The following NXPE2 variants were observed in gnomAD, a reference collection of about 807,000 sequenced individuals.
NXPE2 encodes the protein neurexophilin and PC-esterase domain family member 2.
NXPE2 carries 34 observed loss-of-function variants against 34.4 expected under a neutral mutation model. That is an observed-to-expected ratio of 0.99 (90% CI 0.75 to 1.31). NXPE2 has a LOEUF of 1.31. Ranked by LOEUF, NXPE2 falls within the 40% of genes most tolerant of loss-of-function variation. The probability of loss-of-function intolerance (pLI) is 0.00; values close to 1 mark genes in which losing one functional copy is unlikely to be tolerated. For missense variants in NXPE2, 649 were observed against 672.5 expected, an observed-to-expected ratio of 0.97 and a Z score of 0.39; for synonymous variants, 235 against 231.3, an observed-to-expected ratio of 1.02 and a Z score of -0.15.
chr11:114,599,237 C>A, the NXPE2 span, among the ~76,000 whole-genome samples: 6 of 152,206 alleles, frequency 3.9e-5, no homozygotes, highest in East Asian at 1.2e-3. Context: ...TTCACTAAAC[C>A]ATAACAAAAC....
the NXPE2 span, among the ~76,000 whole-genome samples, chr11:114,771,990 G>A: frequency 6.6e-6 from 1 of 152,230 alleles, no homozygotes; most frequent in African/African-American, 2.4e-5. Context: ...CCTTGTGAGG[G>A]TGGTAGCAGG....
chr11:114,783,057 T>C, the NXPE2 span, among the ~76,000 whole-genome samples: 2 of 150,638 alleles, frequency 1.3e-5, no homozygotes, highest in Non-Finnish European at 3.0e-5. Context: ...TAAAGCTATA[T>C]GAGAAGTATT....
At chr11:114,539,933 A>C in the NXPE2 span, among the ~76,000 whole-genome samples, 2 of 152,200 alleles carry the variant, frequency 1.3e-5, no homozygotes, top group Non-Finnish European at 2.9e-5. Flanking sequence ...CACACTACAT[A>C]CTAAAGTTCC....
At chr11:114,476,226 T>C in the NXPE2 span, among the ~76,000 whole-genome samples, 24 of 152,216 alleles carry the variant, frequency 1.6e-4, no homozygotes, top group African/African-American at 5.5e-4. Flanking sequence ...AGTCTTCTTA[T>C]GTGTAAAGAC....
At chr11:114,580,387 G>A in the NXPE2 span, 2,809 of 1,527,668 alleles carry the variant, frequency 1.8e-3, 45 homozygotes, top group African/African-American at 0.033. Flanking sequence ...CAAATTACCC[G>A]TCAGTATGTA....
chr11:114,486,397 T>C, the NXPE2 span, among the ~76,000 whole-genome samples: 1 of 152,354 alleles, frequency 6.6e-6, no homozygotes, highest in South Asian at 2.1e-4. Context: ...TTCTGGTTAT[T>C]AATGCCTTGT....
chr11:114,464,878 CAAAT>C, the NXPE2 span, among the ~76,000 whole-genome samples: 4 of 151,444 alleles, frequency 2.6e-5, no homozygotes, highest in African/African-American at 7.3e-5. Flanking sequence ...ATCCAATAGA[CAAAT>C]GAAGAAAGCA....
At chr11:114,804,082 A>G in the NXPE2 span, among the ~76,000 whole-genome samples, 1,017 of 152,378 alleles carry the variant, frequency 6.7e-3, 10 homozygotes, top group African/African-American at 0.024. Context: ...AAAGGTATTC[A>G]ACAGGCTGTC....
At chr11:114,753,195 C>T in the NXPE2 span, among the ~76,000 whole-genome samples, 1 of 152,072 alleles carries the variant, frequency 6.6e-6, no homozygotes, top group South Asian at 2.1e-4. Context: ...AGTTTGAGAC[C>T]AGCCTAGGCA....
chr11:114,788,198 C>T, the NXPE2 span, among the ~76,000 whole-genome samples: 1 of 152,204 alleles, frequency 6.6e-6, no homozygotes, highest in Admixed American at 6.5e-5. Flanking sequence ...AGCCTTTCAA[C>T]ACGGCCATGA....
At chr11:114,783,107 G>A in the NXPE2 span, among the ~76,000 whole-genome samples, 2 of 152,188 alleles carry the variant, frequency 1.3e-5, no homozygotes, top group Non-Finnish European at 2.9e-5. Flanking sequence ...ACGACAATGG[G>A]CTTTTCCATT....
the NXPE2 span, among the ~76,000 whole-genome samples, chr11:114,794,882 C>T: frequency 7.0e-6 from 1 of 142,370 alleles, no homozygotes; most frequent in East Asian, 2.4e-4. Context: ...AGGAGTAACT[C>T]ATTCTCAGCT....
the NXPE2 span, among the ~76,000 whole-genome samples, chr11:114,496,217 T>C: frequency 2.0e-5 from 3 of 152,134 alleles, no homozygotes; most frequent in Non-Finnish European, 4.4e-5. Flanking sequence ...ACAACTTGCC[T>C]CTCATTAGGG....
chr11:114,614,508 T>C, the NXPE2 span, among the ~76,000 whole-genome samples: 1 of 150,556 alleles, frequency 6.6e-6, no homozygotes. Flanking sequence ...CGGTGGATAA[T>C]AAATGTTGCC....
At chr11:114,522,920 G>A in the NXPE2 span, 1 of 1,613,390 alleles carries the variant, frequency 6.2e-7, no homozygotes, top group Non-Finnish European at 8.5e-7. Flanking sequence ...CTGACGTAGT[G>A]TAGAGTCTCC....
chr11:114,585,884 A>T, the NXPE2 span, among the ~76,000 whole-genome samples: 1 of 152,184 alleles, frequency 6.6e-6, no homozygotes, highest in Non-Finnish European at 1.5e-5. Context: ...AGGGCCAGGC[A>T]TGTTCAACAT....
chr11:114,712,073 TCTTA>T, the NXPE2 span, among the ~76,000 whole-genome samples: 3 of 152,194 alleles, frequency 2.0e-5, no homozygotes, highest in Non-Finnish European at 4.4e-5. Context: ...GAAGCTGGAC[TCTTA>T]CTTTATAGCA....
the NXPE2 span, among the ~76,000 whole-genome samples, chr11:114,609,102 A>G: frequency 0.013 from 1,872 of 147,084 alleles, 36 homozygotes; most frequent in African/African-American, 0.044. Context: ...GTGTTGCCTC[A>G]TGGGTAGCTA....
intron 2 of NXPE2, among the ~76,000 whole-genome samples, chr11:114,692,265 G>C (rs1478875951): frequency 6.6e-6 from 1 of 152,204 alleles, no homozygotes; most frequent in East Asian, 1.9e-4. Context: ...AGTAGCATGG[G>C]CAAGAAGCTG....
Sources: gnomAD v4.1 joint callset for allele counts (sites outside exome capture counted in the v4.1 genomes callset) on GRCh38, gnomAD v4.1.1 for gene constraint, MANE v1.5 for transcripts, NCBI Gene and HGNC (gene_info 2026-07-23, HGNC 2026-07-21) for gene names.